The following CEP128 variants were observed in gnomAD, a reference collection of about 807,000 sequenced individuals.
CEP128 encodes centrosomal protein 128kDa.
Under a neutral mutation model 156.7 loss-of-function variants are expected in CEP128, and 132 were observed. The observed-to-expected ratio is 0.84, with a 90% CI of 0.73 to 0.97. CEP128 has a LOEUF of 0.97. CEP128 is among the 50% of genes least tolerant of loss of function. The pLI, the probability that CEP128 is intolerant of heterozygous loss-of-function variation, is 0.00. For missense variants in CEP128, 1,252 were observed against 1,281.9 expected, an observed-to-expected ratio of 0.98 and a Z score of 0.36; for synonymous variants, 469 against 448.9, an observed-to-expected ratio of 1.04 and a Z score of -0.57.
At chr14:80,523,917 T>C (rs1888862515) in intron 23 of CEP128, among the ~76,000 whole-genome samples, 2 of 152,214 alleles carry the variant, frequency 1.3e-5, no homozygotes. Context: ...GCCATATGGT[T>C]TCTGTAGCAA....
At chr14:80,892,485 C>T (rs543143595) in intron 8 of CEP128, among the ~76,000 whole-genome samples, 4 of 152,042 alleles carry the variant, frequency 2.6e-5, no homozygotes, top group South Asian at 2.1e-4. Context: ...TGGACACTGA[C>T]GTTGGCAATG....
intron 2 of CEP128, among the ~76,000 whole-genome samples, chr14:80,935,556 CAATAAATAAATA>C (rs59491221): frequency 0.16 from 17,639 of 113,598 alleles, 1,743 homozygotes; most frequent in East Asian, 0.46. Flanking sequence ...GAGTCTGTCT[CAATAAATAAATA>C]AATAAATAAA....
chr14:80,706,801 G>A (rs74789317), intron 19 of CEP128, among the ~76,000 whole-genome samples: 3,802 of 151,924 alleles, frequency 0.025, 84 homozygotes, highest in African/African-American at 0.051. Context: ...TGTCCCTGTG[G>A]CTCTGTTCTT....
intron 21 of CEP128, among the ~76,000 whole-genome samples, chr14:80,538,553 T>C (rs904768736): frequency 6.6e-6 from 1 of 152,172 alleles, no homozygotes; most frequent in African/African-American, 2.4e-5. Flanking sequence ...AACATTATGT[T>C]TTATATTTGC....
At chr14:80,742,966 C>A in intron 19 of CEP128, 109 bp downstream of exon 19, 2 of 890,438 alleles carry the variant, frequency 2.2e-6, no homozygotes, top group Non-Finnish European at 3.5e-6. Flanking sequence ...AGGAGATGGG[C>A]TTGGAAATAG....
At chr14:80,933,053 G>A (rs1018237772) in intron 2 of CEP128, among the ~76,000 whole-genome samples, 2 of 151,970 alleles carry the variant, frequency 1.3e-5, no homozygotes, top group Non-Finnish European at 2.9e-5. Flanking sequence ...ACCCACATTG[G>A]GCAGCTTCCC....
intron 4 of CEP128, among the ~76,000 whole-genome samples, chr14:80,909,823 G>A (rs1299493445): frequency 1.3e-5 from 2 of 152,086 alleles, no homozygotes; most frequent in Non-Finnish European, 2.9e-5. Flanking sequence ...AAGAGACAAA[G>A]TACGAAGTCA....
At chr14:80,937,595 T>C (rs1451468613) in intron 2 of CEP128, among the ~76,000 whole-genome samples, 1 of 152,072 alleles carries the variant, frequency 6.6e-6, no homozygotes, top group Non-Finnish European at 1.5e-5. Flanking sequence ...AATAAATGTA[T>C]CTAATCACTG....
intron 19 of CEP128, among the ~76,000 whole-genome samples, chr14:80,729,058 G>GGGGTGTGT (rs1898141728): frequency 1.2e-4 from 13 of 105,024 alleles, no homozygotes; most frequent in African/African-American, 2.0e-4. Context: ...GGCTGGTGGG[G>GGGGTGTGT]GTGTGTGTGT....
At chr14:80,526,038 G>T (rs984948862) in intron 23 of CEP128, among the ~76,000 whole-genome samples, 1 of 151,984 alleles carries the variant, frequency 6.6e-6, no homozygotes, top group African/African-American at 2.4e-5. Context: ...AATATAGATG[G>T]ACTCTCTCTG....
intron 19 of CEP128, among the ~76,000 whole-genome samples, chr14:80,600,585 A>G (rs1892538475): frequency 1.3e-5 from 2 of 152,228 alleles, no homozygotes; most frequent in Non-Finnish European, 2.9e-5. Context: ...TGGTGAAATG[A>G]AAGTACAGTA....
At chr14:80,772,905 G>C (rs144847915) in intron 16 of CEP128, among the ~76,000 whole-genome samples, 294 of 152,306 alleles carry the variant, frequency 1.9e-3, no homozygotes, top group Admixed American at 4.8e-3. Flanking sequence ...GTAATACGTA[G>C]ATTTTTCAGG....
intron 18 of CEP128, among the ~76,000 whole-genome samples, chr14:80,750,889 G>C (rs1899355851): frequency 6.6e-6 from 1 of 152,160 alleles, no homozygotes; most frequent in Non-Finnish European, 1.5e-5. Context: ...TTTGGAGATG[G>C]GGCCTTTAGG....
At chr14:80,761,735 C>A in intron 16 of CEP128, 122 bp from the exon 17 acceptor site, 1 of 590,040 alleles carries the variant, frequency 1.7e-6, no homozygotes, top group Non-Finnish European at 2.8e-6. Context: ...CATCAGTCCC[C>A]TTACTTTACC....
At chr14:80,790,619 A>G (rs1423714333) in intron 14 of CEP128, among the ~76,000 whole-genome samples, 1 of 151,988 alleles carries the variant, frequency 6.6e-6, no homozygotes, top group Non-Finnish European at 1.5e-5. Flanking sequence ...GATATTACAC[A>G]TCCTTCAGTA....
intron 20 of CEP128, among the ~76,000 whole-genome samples, chr14:80,572,535 A>C (rs950471510): frequency 6.6e-6 from 1 of 152,202 alleles, no homozygotes; most frequent in Admixed American, 6.5e-5. Context: ...AGGTATAAGC[A>C]ATGTACTGTA....
intron 19 of CEP128, among the ~76,000 whole-genome samples, chr14:80,696,083 G>C (rs982561921): frequency 6.6e-6 from 1 of 151,998 alleles, no homozygotes; most frequent in Non-Finnish European, 1.5e-5. Context: ...ACTAAAACGC[G>C]GTAGAGGAGG....
At chr14:80,555,327 T>C (rs1468236151) in intron 21 of CEP128, among the ~76,000 whole-genome samples, 2 of 152,174 alleles carry the variant, frequency 1.3e-5, no homozygotes, top group Non-Finnish European at 2.9e-5. Flanking sequence ...TTTATAACTT[T>C]ATGAGTTGCA....
At chr14:80,646,289 G>A (rs1894629459) in intron 19 of CEP128, among the ~76,000 whole-genome samples, 1 of 152,040 alleles carries the variant, frequency 6.6e-6, no homozygotes, top group Non-Finnish European at 1.5e-5. Flanking sequence ...CTGTGCTTGT[G>A]TGAAGGGAAC....
Sources: allele counts gnomAD v4.1 joint callset (sites outside exome capture counted in the v4.1 genomes callset), GRCh38; gene constraint gnomAD v4.1.1; transcripts MANE v1.5; gene names NCBI Gene and HGNC (gene_info 2026-07-23, HGNC 2026-07-21).